Variants in DCDC1 observed in about 807,000 individuals in gnomAD.
The protein encoded by DCDC1 is doublecortin domain containing 1.
In DCDC1, 200 loss-of-function variants were observed where a neutral mutation model predicts 178.3. That is an observed-to-expected ratio of 1.12 (90% CI 1.00 to 1.26). The LOEUF is 1.26. Ranked by LOEUF, DCDC1 falls within the 50% of genes most tolerant of loss-of-function variation. DCDC1 has a pLI of 0.00. For synonymous variants in DCDC1, 690 were observed against 604.8 expected (o/e 1.14, Z -2.07); for missense variants, 1,983 against 1,749.2 (o/e 1.13, Z -2.38).
chr11:31,284,458 A>G (rs937594133), intron 7 of DCDC1, among the ~76,000 whole-genome samples: 1 of 152,108 alleles, frequency 6.6e-6, no homozygotes, highest in African/African-American at 2.4e-5. Flanking sequence ...TTCATCAAAG[A>G]TTCTTTAATG....
At chr11:30,952,693 A>G in intron 20 of DCDC1, 125 bp from the exon 21 acceptor site, 2 of 416,346 alleles carry the variant, frequency 4.8e-6, no homozygotes, top group Middle Eastern at 6.3e-4. Flanking sequence ...TAAAAACCCA[A>G]ATCTGAAAAT....
rs746476174 is a variant in DCDC1, at chr11:31,297,382, T to G, written c.755-6530A>C. ...ATTTTTTTTTTAATTTTTTTTGAGATAGAGTCTCGCTATGTCACCCAGCCT... is the reference window on the plus strand; with the variant it reads ...ATTTTTTTTTTAATTTTTTTTGAGAGAGAGTCTCGCTATGTCACCCAGCCT... On this transcript the variant is annotated intron_variant, in intron 6 of 38. Coordinates refer to ENST00000684477, the MANE Select transcript of DCDC1 (RefSeq NM_001387274.1). 1.8e-4 allele frequency among the ~76,000 whole-genome samples: 28 copies of G among 152,042 alleles called. 1 individual carries two copies. The highest frequency in any genetic ancestry group is 8.5e-4 in the Admixed American group (13 of 15,288).
Position 31,290,709 on chromosome 11 carries a change from A to T in DCDC1, c.898T>A (p.Phe300Ile). The change falls in exon 7 of 39, where the codon TTT (phenylalanine) becomes ATT (isoleucine). Residue 300 changes from phenylalanine (F) to isoleucine (I), a missense_variant. Physicochemically the swap from Phe to Ile is conservative, Grantham distance 21. Transcript: ENST00000684477. Reference protein sequence around the residue: ...TERTSVRILFFKNGMGQDGHE... With the variant: ...TERTSVRILFIKNGMGQDGHE... Reference sequence around the variant, plus strand: ...CCATCCTGCCCCATGCCATTCTTAAAGAACAGAATTCGGACTGAGGTCCTC... The same window carrying T: ...CCATCCTGCCCCATGCCATTCTTAATGAACAGAATTCGGACTGAGGTCCTC... 6.2e-7 allele frequency: 1 copy of T among 1,613,504 alleles called. No individual in the cohort carries two copies. Among genetic ancestry groups the T allele is most frequent in the Non-Finnish European group, 8.5e-7 (1 of 1,179,560 alleles).
At chr11:31,158,842 A>C (rs1243718919) in intron 9 of DCDC1, among the ~76,000 whole-genome samples, 2 of 152,152 alleles carry the variant, frequency 1.3e-5, no homozygotes, top group South Asian at 2.1e-4. Flanking sequence ...CTTATATCTA[A>C]ATAAGCCCCT....
At chr11:31,241,399 G>A (rs1214245766) in intron 9 of DCDC1, 51 bp downstream of exon 9, 1 of 394,312 alleles carries the variant, frequency 2.5e-6, no homozygotes, top group Non-Finnish European at 4.5e-6. Flanking sequence ...ATACAACCAA[G>A]TATATTTTTA....
chr11:30,977,519 T>C (rs541978572), intron 20 of DCDC1, among the ~76,000 whole-genome samples: 95 of 152,338 alleles, frequency 6.2e-4, no homozygotes, highest in African/African-American at 2.2e-3. Context: ...ATCCTTATTA[T>C]TAAATATGTT....
chr11:31,158,093 G>GTTTTA (rs142820010), intron 9 of DCDC1, among the ~76,000 whole-genome samples: 35,887 of 138,746 alleles, frequency 0.26, 5,273 homozygotes, highest in East Asian at 0.51. Flanking sequence ...ACAAAACATT[G>GTTTTA]TTTTATTTTA....
At chr11:31,159,702 A>G (rs1277422889) in intron 9 of DCDC1, among the ~76,000 whole-genome samples, 1 of 152,234 alleles carries the variant, frequency 6.6e-6, no homozygotes, top group Non-Finnish European at 1.5e-5. Flanking sequence ...CCTCTTCTCT[A>G]TTAATAGGAA....
At chr11:30,929,740 A>C (rs1363247529) in intron 22 of DCDC1, among the ~76,000 whole-genome samples, 1 of 152,034 alleles carries the variant, frequency 6.6e-6, no homozygotes, top group Non-Finnish European at 1.5e-5. Context: ...GTAACTTATA[A>C]AATTTTTCTT....
intron 9 of DCDC1, among the ~76,000 whole-genome samples, chr11:31,202,949 G>A (rs1241870083): frequency 1.3e-5 from 2 of 152,186 alleles, no homozygotes; most frequent in East Asian, 1.9e-4. Context: ...TAGAACATGT[G>A]ACTGTTGGTC....
At chr11:31,236,266 A>G (rs1976450299) in intron 9 of DCDC1, among the ~76,000 whole-genome samples, 1 of 151,902 alleles carries the variant, frequency 6.6e-6, no homozygotes. Context: ...CACTTACTGT[A>G]CTTTTGAGAA....
At chr11:31,024,042 T>C (rs1953066642) in intron 20 of DCDC1, among the ~76,000 whole-genome samples, 1 of 151,742 alleles carries the variant, frequency 6.6e-6, no homozygotes, top group African/African-American at 2.4e-5. Flanking sequence ...GTCCTAGGGG[T>C]TTATCTTAGG....
At chr11:30,875,494 C>T (rs752488102) in intron 38 of DCDC1, among the ~76,000 whole-genome samples, 5 of 151,770 alleles carry the variant, frequency 3.3e-5, no homozygotes, top group Non-Finnish European at 5.9e-5. Context: ...TTTGATCATT[C>T]GCTTCCAAAT....
chr11:31,109,414 T>C (rs1054224033), intron 12 of DCDC1, among the ~76,000 whole-genome samples: 5 of 152,136 alleles, frequency 3.3e-5, no homozygotes, highest in Admixed American at 6.6e-5. Context: ...ATTTGTGTAA[T>C]CAGTTATGTT....
chr11:31,336,278 T>C (rs563553026), intron 1 of DCDC1, among the ~76,000 whole-genome samples: 4 of 152,138 alleles, frequency 2.6e-5, no homozygotes, highest in East Asian at 1.9e-4. Context: ...GCAAGAAAGT[T>C]TGTCATGCAG....
chr11:31,342,140 C>A (rs752023336), intron 1 of DCDC1, among the ~76,000 whole-genome samples: 2 of 152,102 alleles, frequency 1.3e-5, no homozygotes, highest in Non-Finnish European at 2.9e-5. Context: ...TCCTTTTGAA[C>A]GACAGTTAAC....
intron 21 of DCDC1, among the ~76,000 whole-genome samples, chr11:30,936,952 A>G (rs183849211): frequency 6.6e-6 from 1 of 152,196 alleles, no homozygotes; most frequent in East Asian, 1.9e-4. Context: ...TTTTAGTTCA[A>G]TCTGTAAGGG....
chr11:31,307,570 T>TTATA, intron 4 of DCDC1, 69 bp downstream of exon 4: 1 of 1,567,710 alleles, frequency 6.4e-7, no homozygotes. Context: ...AATTGAAACA[T>TTATA]TATAAACTCT....
chr11:31,100,806 A>C (rs1958458144), intron 15 of DCDC1, among the ~76,000 whole-genome samples: 4 of 152,242 alleles, frequency 2.6e-5, no homozygotes, highest in African/African-American at 2.4e-5. Context: ...CCAGGCATAC[A>C]TGTGTTTTCA....
Sources: allele counts gnomAD v4.1 joint callset (sites outside exome capture counted in the v4.1 genomes callset), GRCh38; gene constraint gnomAD v4.1.1; transcripts MANE v1.5; gene names NCBI Gene and HGNC (gene_info 2026-07-23, HGNC 2026-07-21).